Variants in CDYL2 observed in about 807,000 individuals in gnomAD.
The protein encoded by CDYL2 is chromodomain Y like 2.
In CDYL2, 23 loss-of-function variants were observed where a neutral mutation model predicts 49.4. That is an observed-to-expected ratio of 0.47 (90% CI 0.34 to 0.66). The LOEUF is 0.66. Ranked by LOEUF, CDYL2 falls within the 30% of genes least tolerant of loss-of-function variation. The probability of loss-of-function intolerance (pLI) is 0.01; values close to 1 mark genes in which losing one functional copy is unlikely to be tolerated. For synonymous variants in CDYL2, 360 were observed against 268.8 expected (o/e 1.34, Z -3.32); for missense variants, 678 against 656.4 (o/e 1.03, Z -0.36).
chr16:80,773,689 C>T (rs1322257355), intron 1 of CDYL2, among the ~76,000 whole-genome samples: 2 of 151,588 alleles, frequency 1.3e-5, no homozygotes, highest in South Asian at 2.1e-4. Flanking sequence ...AAATATACGT[C>T]GAAACAAAAA....
At chr16:80,702,831 A>T (rs1284150186) in intron 1 of CDYL2, among the ~76,000 whole-genome samples, 1 of 152,198 alleles carries the variant, frequency 6.6e-6, no homozygotes, top group Non-Finnish European at 1.5e-5. Context: ...AACAGCCAGC[A>T]CTGCACGCCA....
chr16:80,609,473 G>T (rs529332719), intron 5 of CDYL2, among the ~76,000 whole-genome samples: 42 of 152,184 alleles, frequency 2.8e-4, no homozygotes, highest in Admixed American at 2.7e-3. Context: ...CCAGAGTAGA[G>T]GGCAATCTTT....
At chr16:80,681,063 C>T (rs1481549014) in intron 2 of CDYL2, among the ~76,000 whole-genome samples, 2 of 152,100 alleles carry the variant, frequency 1.3e-5, no homozygotes, top group African/African-American at 4.8e-5. Flanking sequence ...CCGCCGGAGC[C>T]CCAATTTAGC....
chr16:80,717,007 T>TGGATGGAG (rs1302219668), intron 1 of CDYL2, among the ~76,000 whole-genome samples: 1 of 149,378 alleles, frequency 6.7e-6, no homozygotes, highest in African/African-American at 2.5e-5. Flanking sequence ...ATTCAATTGA[T>TGGATGGAG]GGATGGATGG....
chr16:80,748,741 A>C (rs760202866), intron 1 of CDYL2, among the ~76,000 whole-genome samples: 90 of 151,976 alleles, frequency 5.9e-4, no homozygotes, highest in Non-Finnish European at 1.1e-3. Context: ...CACCAACAAC[A>C]ACCTCATCCT....
chr16:80,774,742 AT>A (rs1460998492), intron 1 of CDYL2, among the ~76,000 whole-genome samples: 4 of 152,132 alleles, frequency 2.6e-5, no homozygotes, highest in Non-Finnish European at 4.4e-5. Context: ...TCTGAAGAGT[AT>A]TTTCAACACT....
chr16:80,801,741 T>G (rs1391205472), intron 1 of CDYL2, among the ~76,000 whole-genome samples: 1 of 152,256 alleles, frequency 6.6e-6, no homozygotes, highest in Non-Finnish European at 1.5e-5. Context: ...AATATTTTTC[T>G]TAAATCAATA....
intron 1 of CDYL2, among the ~76,000 whole-genome samples, chr16:80,793,522 G>C (rs1017435723): frequency 6.6e-6 from 1 of 152,182 alleles, no homozygotes; most frequent in Non-Finnish European, 1.5e-5. Context: ...GGCTAAGGTG[G>C]CCTGGAAGCA....
intron 1 of CDYL2, among the ~76,000 whole-genome samples, chr16:80,713,459 T>G (rs1430537062): frequency 6.6e-6 from 1 of 152,148 alleles, no homozygotes. Flanking sequence ...CTGTTCAGGA[T>G]GTTCCATTGG....
chr16:80,636,247 A>C (rs1300080775), intron 2 of CDYL2, among the ~76,000 whole-genome samples: 2 of 152,246 alleles, frequency 1.3e-5, no homozygotes, highest in Non-Finnish European at 2.9e-5. Flanking sequence ...ACAGCAAAAG[A>C]AACTATCACG....
chr16:80,606,026 A>C (rs1906316280), intron 6 of CDYL2, among the ~76,000 whole-genome samples: 1 of 152,208 alleles, frequency 6.6e-6, no homozygotes, highest in African/African-American at 2.4e-5. Context: ...GCCAGAAGTG[A>C]GGCCTTCGTG....
chr16:80,775,663 CATAA>C (rs1469792270), intron 1 of CDYL2, among the ~76,000 whole-genome samples: 1 of 151,774 alleles, frequency 6.6e-6, no homozygotes, highest in African/African-American at 2.4e-5. Flanking sequence ...CATATGATGT[CATAA>C]ATAATTTGAA....
At chr16:80,700,155 A>G (rs1904293462) in intron 1 of CDYL2, among the ~76,000 whole-genome samples, 1 of 152,226 alleles carries the variant, frequency 6.6e-6, no homozygotes, top group South Asian at 2.1e-4. Flanking sequence ...CACTGCGGCC[A>G]GCCAAAACAA....
intron 1 of CDYL2, among the ~76,000 whole-genome samples, chr16:80,729,809 A>G (rs201316334): frequency 0.33 from 50,285 of 151,140 alleles, 8,542 homozygotes; most frequent in East Asian, 0.52. Flanking sequence ...ACTCAAAACC[A>G]CTCAACTACA....
At chr16:80,620,962 ATGT>A in intron 3 of CDYL2, 27 bp from the exon 4 acceptor site, 1 of 1,566,022 alleles carries the variant, frequency 6.4e-7, no homozygotes, top group Non-Finnish European at 8.7e-7. Context: ...ATTTGCAGGG[ATGT>A]TAAGTGTCTA....
chr16:80,738,640 G>A (rs1905625362), intron 1 of CDYL2: 1 of 152,020 alleles, frequency 6.6e-6, no homozygotes, highest in Non-Finnish European at 1.5e-5. Flanking sequence ...ATAACTAAAG[G>A]GTATACCGTT....
chr16:80,766,249 T>C (rs949612737), intron 1 of CDYL2, among the ~76,000 whole-genome samples: 10 of 151,918 alleles, frequency 6.6e-5, no homozygotes, highest in African/African-American at 2.2e-4. Flanking sequence ...AATTGTACAG[T>C]ATGTGAATCA....
intron 1 of CDYL2, among the ~76,000 whole-genome samples, chr16:80,725,860 C>G (rs576845243): frequency 9.9e-5 from 15 of 152,170 alleles, no homozygotes; most frequent in Non-Finnish European, 2.2e-4. Flanking sequence ...CAAATTCTCA[C>G]TTGTTACAAA....
intron 1 of CDYL2, among the ~76,000 whole-genome samples, chr16:80,714,531 G>C (rs1379033938): frequency 6.6e-6 from 1 of 152,100 alleles, no homozygotes; most frequent in Non-Finnish European, 1.5e-5. Context: ...CTGCCCACCT[G>C]GCTGGTTACT....
Sources: gnomAD v4.1 joint callset for allele counts (sites outside exome capture counted in the v4.1 genomes callset) on GRCh38, gnomAD v4.1.1 for gene constraint, MANE v1.5 for transcripts, NCBI Gene and HGNC (gene_info 2026-07-23, HGNC 2026-07-21) for gene names.